The following AFAP1L2 variants were observed in gnomAD, a reference collection of about 807,000 sequenced individuals.
The protein encoded by AFAP1L2 is actin filament-associated protein 1-like 2.
AFAP1L2 carries 46 observed loss-of-function variants against 99.3 expected under a neutral mutation model. The ratio of observed to expected loss-of-function variants is 0.46; its 90% CI spans 0.37 to 0.59. The LOEUF (loss-of-function observed/expected upper bound fraction) is 0.59. Ranked by LOEUF, AFAP1L2 falls within the 20% of genes least tolerant of loss-of-function variation. The pLI is 0.00. For synonymous variants in AFAP1L2, 397 were observed against 419.1 expected (o/e 0.95, Z 0.64); for missense variants, 959 against 1,034.9 (o/e 0.93, Z 1.01).
chr10:114,379,202 G>A (rs1224119984), intron 1 of AFAP1L2, among the ~76,000 whole-genome samples: 1 of 115,406 alleles, frequency 8.7e-6, no homozygotes, highest in African/African-American at 3.1e-5. Context: ...GACAGAGTGA[G>A]ACTCTGTCTC....
At chr10:114,282,662 G>T in the AFAP1L2 span, 2 of 1,179,196 alleles carry the variant, frequency 1.7e-6, no homozygotes, top group South Asian at 2.5e-5. Flanking sequence ...GGGACAGAGG[G>T]TGGGGTTGTG....
rs1372075775 is a variant in AFAP1L2, at chr10:114,313,734, AC to A, written c.792+136del. 4 of 870,836 alleles carry A rather than the reference AC, an allele frequency of 4.6e-6. No homozygotes were observed. In the African/African-American group the frequency reaches 6.7e-5, roughly 15 times the overall value. The allele number at this position is 870,836 out of a possible 1,614,324, so 53.9% of individuals were successfully genotyped here. ...ACCCATTTGCAGAAGACAGATCGTT[AC>A]CACTTAGAACACAGGAAGCCCTGCA... On this transcript the variant is annotated intron_variant, in intron 7 of 18. Coordinates refer to ENST00000304129, the MANE Select transcript of AFAP1L2 (RefSeq NM_001001936.3).
chr10:114,295,400 C>CTT lies in AFAP1L2; in HGVS notation c.*640_*641dup. The CTT allele has an allele frequency of 2.0e-6, 2 of 985,756 alleles. No homozygotes were observed. Among genetic ancestry groups the CTT allele is most frequent in the Non-Finnish European group, 2.4e-6 (2 of 829,886 alleles). 61.1% of individuals were successfully genotyped at this position (985,756 alleles called of 1,614,324 possible). ...GGCCTGCCTTGGACTGGAAAGAAGT[C>CTT]TTTAACTTAGTGGGATTAGTGCTTC... On this transcript the variant is annotated 3_prime_UTR_variant, in exon 19 of 19. Transcript: ENST00000304129.
intron 4 of AFAP1L2, among the ~76,000 whole-genome samples, 154 bp from the exon 5 acceptor site, chr10:114,323,415 A>G (rs1465444751): frequency 6.6e-6 from 1 of 152,210 alleles, no homozygotes; most frequent in African/African-American, 2.4e-5. Flanking sequence ...AGTATCATGA[A>G]TCCCATCAGT....
rs539628702 is a variant in AFAP1L2, at chr10:114,403,976, A to G, written c.16+464T>C. On this transcript the variant is annotated intron_variant, in intron 1 of 18. Coordinates refer to ENST00000304129, the MANE Select transcript of AFAP1L2 (RefSeq NM_001001936.3). ...GTCTGCGCGCCCACTCCACTGCCCAAGCGCTTTGCCGGGAGCAGGAAGCCC... is the reference window on the plus strand; with the variant it reads ...GTCTGCGCGCCCACTCCACTGCCCAGGCGCTTTGCCGGGAGCAGGAAGCCC... Among the ~76,000 whole-genome samples the G allele has an allele frequency of 2.0e-5, 3 of 152,308 alleles. No individual in the cohort carries two copies. In the South Asian group the frequency reaches 6.2e-4, roughly 32 times the overall value.
chr10:114,372,431 C>G (rs946761909), intron 1 of AFAP1L2, among the ~76,000 whole-genome samples: 13 of 152,128 alleles, frequency 8.5e-5, no homozygotes, highest in Non-Finnish European at 1.5e-4. Flanking sequence ...GTTTGCCACC[C>G]GTGAAATGAC....
At position 114,297,353 on chromosome 10, in the gene AFAP1L2, CCCCGGCACTCCTCGT is replaced by C. The variant is rs2040413616; in HGVS notation, c.2159_2173del (p.Asp720_Arg724del). On this transcript the variant is annotated inframe_deletion, in exon 17 of 19. Transcript: ENST00000304129. ...CAGGTCCACGCGCCTGCTCTCCTCG[CCCCGGCACTCCTCGT>C]CAATTTCCTTCAGCTTCTGCTCCAG... The C allele has an allele frequency of 6.2e-7, 1 of 1,613,808 alleles. No homozygotes were observed. Among genetic ancestry groups the C allele is most frequent in the Non-Finnish European group, 8.5e-7 (1 of 1,180,020 alleles).
At chr10:114,282,696 G>A in the AFAP1L2 span, 1 of 751,024 alleles carries the variant, frequency 1.3e-6, no homozygotes, top group South Asian at 1.5e-5. Context: ...CAGAGGGATG[G>A]GGCACTTGGG....
downstream of AFAP1L2, chr10:114,290,249 A>C: frequency 6.4e-7 from 1 of 1,550,424 alleles, no homozygotes; most frequent in South Asian, 1.2e-5. Context: ...GAAGCCAAGC[A>C]GCCAGTCAAC....
rs1346582057 is a variant in AFAP1L2 at position 114,297,274 on chromosome 10, A to C, written c.2253T>G (p.Pro751=). The C allele has an allele frequency of 6.2e-7, 1 of 1,613,938 alleles. No homozygotes were observed. The highest frequency in any genetic ancestry group is 2.2e-5 in the East Asian group (1 of 44,858). Residue 751 remains proline (P), a synonymous_variant, in exon 17 of 19, where the codon CCT becomes CCG. Coordinates refer to ENST00000304129, the MANE Select transcript of AFAP1L2 (RefSeq NM_001001936.3). ...TGTCCACGGTGGTGCCTAACGTCAC[A>C]GGCCCTGCCTCAGCCTTCTTCAGGT... ...KDNLKKAEAG[P]VTLGTTVDTT... is the part of the protein sequence containing the mutation.
chr10:114,285,048 T>C, the AFAP1L2 span: 1 of 1,188,608 alleles, frequency 8.4e-7, no homozygotes, highest in Non-Finnish European at 1.1e-6. Context: ...TTGCACGCCC[T>C]TCCAGCTGCT....
intron 4 of AFAP1L2, among the ~76,000 whole-genome samples, 160 bp from the exon 5 acceptor site, chr10:114,323,421 T>C (rs1483033768): frequency 6.6e-6 from 1 of 152,188 alleles, no homozygotes; most frequent in Non-Finnish European, 1.5e-5. Context: ...ATGAATCCCA[T>C]CAGTCACAGT....
In AFAP1L2 at chr10:114,297,385, C is replaced by T. The variant is rs759456944; in HGVS notation, c.2142G>A (p.Gln714=). 20 of 1,613,358 alleles carry T rather than the reference C, an allele frequency of 1.2e-5. No homozygotes were observed. Among genetic ancestry groups the T allele is most frequent in the Middle Eastern group, 1.6e-4 (1 of 6,084 alleles). Residue 714 remains glutamine (Q), a synonymous_variant, in exon 17 of 19, where the codon CAG becomes CAA. Transcript: ENST00000304129. Reference sequence around the variant, plus strand: ...ACTCCTCGTCAATTTCCTTCAGCTTCTGCTCCAGGCTCGCCAGGACTTCCT... The same window carrying T: ...ACTCCTCGTCAATTTCCTTCAGCTTTTGCTCCAGGCTCGCCAGGACTTCCT... ...TDKEVLASLE[Q]KLKEIDEECR...
rs186166428 is a variant in AFAP1L2, at chr10:114,381,229, A to G, written c.16+23211T>C. Among the ~76,000 whole-genome samples the G allele has an allele frequency of 1.4e-4, 22 of 152,358 alleles. No homozygotes were observed. In the East Asian group the frequency reaches 4.2e-3, roughly 29 times the overall value. On this transcript the variant is annotated intron_variant, in intron 1 of 18. Coordinates refer to ENST00000304129, the MANE Select transcript of AFAP1L2 (RefSeq NM_001001936.3). ...GCAATGAAATACTGATACAGGCTTCAACTTGGATTGAACCTTGAAAACATT... is the reference window on the plus strand; with the variant it reads ...GCAATGAAATACTGATACAGGCTTCGACTTGGATTGAACCTTGAAAACATT...
intron 4 of AFAP1L2, among the ~76,000 whole-genome samples, chr10:114,330,824 CAGGAGCTGACATCAGGAG>C (rs2047125948): frequency 6.6e-6 from 1 of 152,190 alleles, no homozygotes. Flanking sequence ...TCCTTGTCCT[CAGGAGCTGACATCAGGAG>C]AGGAGACAGT....
intron 5 of AFAP1L2, among the ~76,000 whole-genome samples, chr10:114,322,967 G>A (rs1173699112): frequency 1.3e-5 from 2 of 152,236 alleles, no homozygotes; most frequent in Non-Finnish European, 2.9e-5. Context: ...TCTGCTGTGG[G>A]TCTTGGCTCC....
At chr10:114,382,571 T>A (rs2055798861) in intron 1 of AFAP1L2, among the ~76,000 whole-genome samples, 1 of 148,818 alleles carries the variant, frequency 6.7e-6, no homozygotes, top group South Asian at 2.1e-4. Flanking sequence ...AGCAATGATA[T>A]TATGTATATT....
At chr10:114,325,601 C>A (rs2046145241) in intron 4 of AFAP1L2, among the ~76,000 whole-genome samples, 1 of 151,964 alleles carries the variant, frequency 6.6e-6, no homozygotes, top group Non-Finnish European at 1.5e-5. Context: ...CTGTACTGGG[C>A]TGACAGACGC....
At chr10:114,337,998 TC>T (rs1296128485) in intron 2 of AFAP1L2, among the ~76,000 whole-genome samples, 1 of 152,086 alleles carries the variant, frequency 6.6e-6, no homozygotes, top group East Asian at 1.9e-4. Context: ...GGGCGGACGC[TC>T]CCTACAAAGC....
Sources: allele counts gnomAD v4.1 joint callset (sites outside exome capture counted in the v4.1 genomes callset), GRCh38; gene constraint gnomAD v4.1.1; transcripts MANE v1.5; gene names NCBI Gene and HGNC (gene_info 2026-07-23, HGNC 2026-07-21).